SMS: variants seen among roughly 807,000 people sequenced by gnomAD.
SMS encodes spermine synthase.
A neutral mutation model predicts 33.0 loss-of-function variants in SMS; 3 were observed. The ratio of observed to expected loss-of-function variants is 0.09; its 90% CI spans 0.04 to 0.23. SMS has a LOEUF of 0.23. Ranked by LOEUF, SMS falls within the 10% of genes least tolerant of loss-of-function variation. The pLI is 1.00. For missense variants in SMS, 117 were observed against 288.6 expected, an observed-to-expected ratio of 0.41 and a Z score of 4.31; for synonymous variants, 103 against 112.2, an observed-to-expected ratio of 0.92 and a Z score of 0.52.
intron 1 of SMS, among the ~76,000 whole-genome samples, chrX:21,958,172 T>C (rs1324756483): frequency 8.9e-6 from 1 of 112,413 alleles, no homozygotes; most frequent in East Asian, 2.8e-4. Context: ...TTCTTGGTCA[T>C]GAATTCTTTG....
chrX:21,971,227 T>TA (rs1373253582), intron 2 of SMS, among the ~76,000 whole-genome samples: 1 of 110,732 alleles, frequency 9.0e-6, no homozygotes, highest in Non-Finnish European at 1.9e-5. Flanking sequence ...TGCATATAAC[T>TA]AAAACAGAAG....
intron 4 of SMS, among the ~76,000 whole-genome samples, chrX:21,976,790 T>C (rs1248877330): frequency 3.6e-5 from 4 of 112,298 alleles, no homozygotes; most frequent in Non-Finnish European, 7.5e-5. Flanking sequence ...ATTTGAAATA[T>C]GAAGTGTGCA....
At chrX:21,971,860 A>G in intron 2 of SMS, 37 bp from the exon 3 acceptor site, 6 of 949,717 alleles carry the variant, frequency 6.3e-6, no homozygotes, top group Non-Finnish European at 9.1e-6. Flanking sequence ...ATGCCCCGAT[A>G]CAATTCTTAA....
chrX:21,975,382 A>C (rs1445186230), intron 4 of SMS, among the ~76,000 whole-genome samples: 4 of 112,284 alleles, frequency 3.6e-5, no homozygotes, highest in Non-Finnish European at 7.5e-5. Context: ...TAGCCAAGGC[A>C]CTATTGACAC....
rs6633496 is a variant in SMS, at chrX:21,967,093, C to T, written c.50-103C>T. ...ATTTATTTATTTATTTATTTATTTA[C>T]TTATTTATTTATTTTTAAGCTCAGT... is the stretch of plus-strand genomic sequence containing the variant. On this transcript the variant is annotated intron_variant, in intron 1 of 10. Transcript: ENST00000404933. 4,943 of 168,674 alleles carry T rather than the reference C, an allele frequency of 0.029. 97 individuals carry two copies. Among genetic ancestry groups the T allele is most frequent in the African/African-American group, 0.21 (1,489 of 6,975 alleles). 13.9% of individuals were successfully genotyped at this position (168,674 alleles called of 1,213,427 possible). A position where few individuals can be genotyped will look rare whatever the true frequency, so the allele number is the denominator to read the frequency against.
At chrX:21,944,768 G>A (rs746993504) in intron 1 of SMS, among the ~76,000 whole-genome samples, 92 of 110,046 alleles carry the variant, frequency 8.4e-4, no homozygotes, top group African/African-American at 3.0e-3. Context: ...ACCTGAGGAC[G>A]GGAGTTTGAG....
intron 4 of SMS, among the ~76,000 whole-genome samples, chrX:21,975,020 A>AT (rs1237283647): frequency 9.0e-6 from 1 of 111,303 alleles, no homozygotes; most frequent in Non-Finnish European, 1.9e-5. Flanking sequence ...ACTTGAATTT[A>AT]TTTTTGTTTT....
chrX:21,973,753 A>G (rs1328842251), intron 4 of SMS, among the ~76,000 whole-genome samples: 1 of 113,391 alleles, frequency 8.8e-6, no homozygotes, highest in Non-Finnish European at 1.9e-5. Flanking sequence ...AAAATACACA[A>G]TTCAGTTCCT....
At chrX:21,952,421 G>GTTTT (rs545894421) in intron 1 of SMS, among the ~76,000 whole-genome samples, 10 of 33,446 alleles carry the variant, frequency 3.0e-4, no homozygotes, top group East Asian at 1.0e-3. Context: ...TTGTTTGTTT[G>GTTTT]TTTTTTTTTT....
At chrX:21,977,637 CATATT>C in intron 5 of SMS, among the ~76,000 whole-genome samples, 1 of 111,916 alleles carries the variant, frequency 8.9e-6, no homozygotes, top group African/African-American at 3.2e-5. Flanking sequence ...TTGTCCCTCT[CATATT>C]ATTTTGAAGC....
rs765854948 is a variant in SMS at position 21,950,993 on chromosome X, C to T, written c.49+10120C>T. 5.4e-5 allele frequency among the ~76,000 whole-genome samples: 6 copies of T among 111,728 alleles called. No homozygotes were observed. In the East Asian group the frequency reaches 1.1e-3, roughly 21 times the overall value. Reference sequence around the variant, plus strand: ...GGATTGCTGGGTCAGATGGTTTTTCCGGTTCTAGATCCTTGAGGAATCACC... The same window carrying T: ...GGATTGCTGGGTCAGATGGTTTTTCTGGTTCTAGATCCTTGAGGAATCACC... On this transcript the variant is annotated intron_variant, in intron 1 of 10. Coordinates refer to ENST00000404933, the MANE Select transcript of SMS (RefSeq NM_004595.5).
intron 2 of SMS, among the ~76,000 whole-genome samples, chrX:21,968,569 G>A (rs1350580620): frequency 8.9e-6 from 1 of 112,055 alleles, no homozygotes; most frequent in Non-Finnish European, 1.9e-5. Flanking sequence ...GGATGCTGAT[G>A]CTGCTGGACA....
intron 2 of SMS, among the ~76,000 whole-genome samples, chrX:21,971,066 C>T (rs182618370): frequency 2.3e-3 from 253 of 109,195 alleles, no homozygotes; most frequent in Non-Finnish European, 4.0e-3. Context: ...TGTGGTGGGA[C>T]ACGCCTGTGG....
At chrX:21,941,638 G>C (rs915145789) in intron 1 of SMS, among the ~76,000 whole-genome samples, 6 of 110,526 alleles carry the variant, frequency 5.4e-5, no homozygotes, top group African/African-American at 2.0e-4. Context: ...TGTAATCCTA[G>C]CACTTTGGGA....
intron 1 of SMS, among the ~76,000 whole-genome samples, chrX:21,964,777 T>C (rs1242762885): frequency 8.9e-6 from 1 of 112,184 alleles, no homozygotes; most frequent in Non-Finnish European, 1.9e-5. Context: ...CTTTTAGTAT[T>C]CTGTTTGCTA....
intron 4 of SMS, among the ~76,000 whole-genome samples, chrX:21,975,284 T>C (rs978627909): frequency 1.6e-4 from 18 of 111,265 alleles, no homozygotes; most frequent in Non-Finnish European, 2.3e-4. Context: ...ATCAGGGTAA[T>C]GGCATTTACA....
chrX:21,958,488 C>T (rs1287741844), intron 1 of SMS, among the ~76,000 whole-genome samples: 2 of 112,127 alleles, frequency 1.8e-5, no homozygotes, highest in Non-Finnish European at 3.8e-5. Context: ...ACTCCTTTAT[C>T]GAACATGTAC....
chrX:21,948,121 T>TA (rs1922360329), intron 1 of SMS, among the ~76,000 whole-genome samples: 1 of 111,853 alleles, frequency 8.9e-6, no homozygotes, highest in Non-Finnish European at 1.9e-5. Context: ...GGCTTGCCAT[T>TA]AAAAAATTGA....
At chrX:21,972,909 A>G (rs1218668320) in intron 4 of SMS, among the ~76,000 whole-genome samples, 1 of 82,951 alleles carries the variant, frequency 1.2e-5, no homozygotes, top group African/African-American at 5.0e-5. Context: ...ACACAATGAG[A>G]CTGTCTCAAA....
Sources: gnomAD v4.1 joint callset for allele counts (sites outside exome capture counted in the v4.1 genomes callset) on GRCh38, gnomAD v4.1.1 for gene constraint, MANE v1.5 for transcripts, NCBI Gene and HGNC (gene_info 2026-07-23, HGNC 2026-07-21) for gene names.